Variants in RYR2 observed in about 807,000 individuals in gnomAD.
RYR2 encodes the protein ryanodine receptor 2, also known as cardiac muscle ryanodine receptor-calcium release channel.
In RYR2, 227 loss-of-function variants were observed where a neutral mutation model predicts 601.1. The ratio of observed to expected loss-of-function variants is 0.38; its 90% CI spans 0.34 to 0.42. The LOEUF (loss-of-function observed/expected upper bound fraction) is 0.42, where lower values mean the gene tolerates loss of function less well. Among genes scored for constraint, RYR2 ranks in the 10% least tolerant of loss-of-function variants. The pLI, the probability that RYR2 is intolerant of heterozygous loss-of-function variation, is 1.00. For synonymous variants in RYR2, 2,223 were observed against 2,175.1 expected (o/e 1.02, Z -0.61); for missense variants, 4,646 against 6,156.5 (o/e 0.75, Z 8.21).
At chr1:237,410,155 C>T (rs561566768) in intron 10 of RYR2, among the ~76,000 whole-genome samples, 7 of 152,282 alleles carry the variant, frequency 4.6e-5, no homozygotes, top group Non-Finnish European at 1.0e-4. Flanking sequence ...ACTATGTAAG[C>T]TATTCAGCAT....
chr1:237,653,774 GC>G (rs1682981827), intron 51 of RYR2, among the ~76,000 whole-genome samples: 1 of 152,182 alleles, frequency 6.6e-6, no homozygotes, highest in Non-Finnish European at 1.5e-5. Flanking sequence ...GTGGCCGAAG[GC>G]CCGTGAGCCC....
intron 1 of RYR2, among the ~76,000 whole-genome samples, chr1:237,099,869 G>A (rs879277619): frequency 6.6e-6 from 1 of 151,890 alleles, no homozygotes; most frequent in Non-Finnish European, 1.5e-5. Flanking sequence ...TTACAAATGT[G>A]GAAACTGAGG....
chr1:237,732,178 TAGG>T, intron 78 of RYR2, 29 bp downstream of exon 78: 1 of 1,378,954 alleles, frequency 7.3e-7, no homozygotes, highest in Non-Finnish European at 1.0e-6. Context: ...CTATGAGACA[TAGG>T]AGGAGCAAAT....
At chr1:237,544,339 G>A (rs528761567) in intron 25 of RYR2, among the ~76,000 whole-genome samples, 17 of 152,162 alleles carry the variant, frequency 1.1e-4, no homozygotes, top group African/African-American at 3.6e-4. Context: ...AAAGTCTGTC[G>A]GCTGATTCTG....
At chr1:237,272,535 A>G (rs1689803666) in intron 2 of RYR2, among the ~76,000 whole-genome samples, 1 of 149,238 alleles carries the variant, frequency 6.7e-6, no homozygotes, top group African/African-American at 2.4e-5. Context: ...TTATAATTTT[A>G]TAATATATAT....
At position 237,155,062 on chromosome 1, in the gene RYR2, T is replaced by C. The variant is rs542825492; in HGVS notation, c.48+112493T>C. ...GGATGTTGGGGCTTTCTTTGGTGAC[T>C]GTTGTCTCCTTGTTTGCTCAAATTA... On this transcript the variant is annotated intron_variant, in intron 1 of 104. Coordinates refer to ENST00000366574, the MANE Select transcript of RYR2 (RefSeq NM_001035.3). 3.3e-5 allele frequency among the ~76,000 whole-genome samples: 5 copies of C among 152,304 alleles called. No individual in the cohort carries two copies. In the East Asian group the frequency reaches 9.6e-4, roughly 29 times the overall value.
At chr1:237,529,336 G>T (rs780320190) in intron 24 of RYR2, among the ~76,000 whole-genome samples, 1 of 151,912 alleles carries the variant, frequency 6.6e-6, no homozygotes, top group Non-Finnish European at 1.5e-5. Context: ...ATTTCATGGG[G>T]TTATTTTAAT....
chr1:237,801,833 A>ATTTTT lies in RYR2; in HGVS notation c.14091-15_14091-11dup. On this transcript the variant is annotated intron_variant, in intron 97 of 104. Transcript: ENST00000366574. ...CTTTGGTTAATGTGCATAACTACGC[A>ATTTTT]TTTTTTTTTTTTGTCATTGCAGACT... 14 of 1,365,672 alleles carry ATTTTT rather than the reference A, an allele frequency of 1.0e-5. No homozygotes were observed. The South Asian group carries it at 1.2e-4, about 11-fold the overall frequency. 84.6% of individuals were successfully genotyped at this position (1,365,672 alleles called of 1,614,324 possible).
intron 1 of RYR2, among the ~76,000 whole-genome samples, chr1:237,130,997 T>A (rs1346844909): frequency 6.6e-6 from 1 of 152,104 alleles, no homozygotes; most frequent in Non-Finnish European, 1.5e-5. Context: ...CTCTCCTGTC[T>A]CCACTCTGAG....
chr1:237,714,268 A>G (rs1689076356), intron 71 of RYR2, among the ~76,000 whole-genome samples: 1 of 152,252 alleles, frequency 6.6e-6, no homozygotes. Context: ...TTTAATAGAT[A>G]TGAATTGTAG....
At chr1:237,799,762 C>T (rs1224802784) in intron 97 of RYR2, among the ~76,000 whole-genome samples, 10 of 152,220 alleles carry the variant, frequency 6.6e-5, no homozygotes, top group Admixed American at 3.3e-4. Flanking sequence ...ATTTATTTAT[C>T]AAACACATAA....
chr1:237,695,848 T>C (rs1386036593), intron 63 of RYR2, among the ~76,000 whole-genome samples: 1 of 152,204 alleles, frequency 6.6e-6, no homozygotes, highest in East Asian at 1.9e-4. Flanking sequence ...GGTGTTTCTA[T>C]TTAAAGTTGT....
intron 100 of RYR2, among the ~76,000 whole-genome samples, chr1:237,818,087 G>C (rs1224962235): frequency 6.6e-6 from 1 of 152,144 alleles, no homozygotes; most frequent in African/African-American, 2.4e-5. Flanking sequence ...AAGTTTTTGG[G>C]AAAGCTGAGT....
chr1:237,631,797 T>G (rs1443377405), intron 42 of RYR2, among the ~76,000 whole-genome samples: 1 of 151,420 alleles, frequency 6.6e-6, no homozygotes, highest in Non-Finnish European at 1.5e-5. Flanking sequence ...CCGGCTAATT[T>G]TTTTGTGTTT....
intron 10 of RYR2, among the ~76,000 whole-genome samples, chr1:237,395,083 A>G (rs1702702930): frequency 6.6e-6 from 1 of 152,176 alleles, no homozygotes; most frequent in African/African-American, 2.4e-5. Context: ...CCCCTCCTCC[A>G]ACACTGGGGA....
Position 237,315,949 on chromosome 1 carries a change from T to C in RYR2, c.169-14929T>C, listed in dbSNP as rs190875668. Among the ~76,000 whole-genome samples the C allele has an allele frequency of 5.3e-5, 8 of 152,288 alleles. No individual in the cohort carries two copies. The East Asian group carries it at 1.5e-3, about 29-fold the overall frequency. On this transcript the variant is annotated intron_variant, in intron 2 of 104. Coordinates refer to ENST00000366574, the MANE Select transcript of RYR2 (RefSeq NM_001035.3). ...GGGATTTTTTTTCTTCTATTAAATC[T>C]CTGACAGGTCTAACGTGATCTTGAG...
Position 237,569,249 on chromosome 1 carries a change from A to G in RYR2, c.3528A>G (p.Thr1176=). Residue 1176 remains threonine, a synonymous_variant, in exon 29 of 105, where the codon ACA becomes ACG. Transcript: ENST00000366574. The stretch of plus-strand genomic sequence containing the variant: ...TGAACGAACACACCATGATGTTCAC[A>G]CTGAATGGTGAAATCCTTCTTGATG... ...VDMNEHTMMF[T]LNGEILLDDS... The G allele has an allele frequency of 6.2e-7, 1 of 1,613,930 alleles. No individual in the cohort carries two copies. Among genetic ancestry groups the G allele is most frequent in the Non-Finnish European group, 8.5e-7 (1 of 1,179,876 alleles).
intron 1 of RYR2, among the ~76,000 whole-genome samples, chr1:237,058,047 G>C (rs1245991443): frequency 1.3e-5 from 2 of 152,302 alleles, no homozygotes; most frequent in East Asian, 1.9e-4. Flanking sequence ...AAATAATCCA[G>C]CTAGGCTTGA....
At chr1:237,107,852 G>T (rs115327170) in intron 1 of RYR2, among the ~76,000 whole-genome samples, 1 of 152,184 alleles carries the variant, frequency 6.6e-6, no homozygotes, top group Non-Finnish European at 1.5e-5. Flanking sequence ...CACAGGCTGG[G>T]CTCCTCCCTC....
Sources: allele counts gnomAD v4.1 joint callset (sites outside exome capture counted in the v4.1 genomes callset), GRCh38; gene constraint gnomAD v4.1.1; transcripts MANE v1.5; gene names NCBI Gene and HGNC (gene_info 2026-07-23, HGNC 2026-07-21).